EXOC4: variants seen among roughly 807,000 people sequenced by gnomAD.
The protein encoded by EXOC4 is SEC8-like 1.
Under a neutral mutation model 107.2 loss-of-function variants are expected in EXOC4, and 71 were observed. That is an observed-to-expected ratio of 0.66 (90% CI 0.55 to 0.81). EXOC4 has a LOEUF of 0.81. Among genes scored for constraint, EXOC4 ranks in the 30% least tolerant of loss-of-function variants. EXOC4 has a pLI of 0.00. For missense variants in EXOC4, 1,108 were observed against 1,189.6 expected, an observed-to-expected ratio of 0.93 and a Z score of 1.01; for synonymous variants, 456 against 441.2, an observed-to-expected ratio of 1.03 and a Z score of -0.42.
At chr7:133,671,637 T>C (rs1793948683) in intron 10 of EXOC4, among the ~76,000 whole-genome samples, 1 of 152,072 alleles carries the variant, frequency 6.6e-6, no homozygotes, top group African/African-American at 2.4e-5. Flanking sequence ...AGGGGAGTAA[T>C]AGTAGTGGCA....
intron 14 of EXOC4, among the ~76,000 whole-genome samples, chr7:133,939,077 G>T: frequency 6.6e-6 from 1 of 152,178 alleles, no homozygotes; most frequent in East Asian, 1.9e-4. Flanking sequence ...TGTGTGAATG[G>T]AGAGATAGAA....
chr7:133,706,299 T>C (rs1794767476), intron 10 of EXOC4, among the ~76,000 whole-genome samples: 1 of 152,236 alleles, frequency 6.6e-6, no homozygotes, highest in African/African-American at 2.4e-5. Flanking sequence ...AGCATACTAC[T>C]ATGATTTTAC....
chr7:133,517,871 A>G (rs1395337933), intron 9 of EXOC4, among the ~76,000 whole-genome samples: 2 of 152,300 alleles, frequency 1.3e-5, no homozygotes, highest in East Asian at 1.9e-4. Context: ...GCATATGCAT[A>G]TATCAGTTAG....
chr7:133,571,210 C>T (rs1038442242), intron 9 of EXOC4, among the ~76,000 whole-genome samples: 20 of 152,138 alleles, frequency 1.3e-4, no homozygotes, highest in Non-Finnish European at 2.8e-4. Context: ...AACTGTGTTG[C>T]AATAAGCCCC....
intron 11 of EXOC4, among the ~76,000 whole-genome samples, chr7:133,860,665 A>G (rs191682189): frequency 1.2e-3 from 176 of 152,292 alleles, no homozygotes; most frequent in African/African-American, 4.0e-3. Flanking sequence ...AACACACACA[A>G]AACTGCTTAA....
chr7:133,830,023 G>T (rs1055589040), intron 11 of EXOC4, among the ~76,000 whole-genome samples: 2 of 151,888 alleles, frequency 1.3e-5, no homozygotes, highest in Admixed American at 6.6e-5. Flanking sequence ...TCCCCTGATG[G>T]ATGGTCATAT....
At chr7:133,758,254 C>G (rs1314061319) in intron 10 of EXOC4, among the ~76,000 whole-genome samples, 2 of 152,136 alleles carry the variant, frequency 1.3e-5, no homozygotes, top group Non-Finnish European at 2.9e-5. Flanking sequence ...AAGCGATTCT[C>G]CTGCCTCAGC....
At chr7:133,876,713 G>A (rs912672929) in intron 11 of EXOC4, among the ~76,000 whole-genome samples, 1 of 152,044 alleles carries the variant, frequency 6.6e-6, no homozygotes, top group Admixed American at 6.6e-5. Flanking sequence ...ATTTTCCCAG[G>A]GAGGGGGCAC....
At chr7:133,715,480 C>CT (rs201216157) in intron 10 of EXOC4, among the ~76,000 whole-genome samples, 3,608 of 143,268 alleles carry the variant, frequency 0.025, 103 homozygotes, top group African/African-American at 0.072. Flanking sequence ...TTTCTAATGA[C>CT]TTTTTTTTTT....
At chr7:133,852,802 A>AT (rs1048981392) in intron 11 of EXOC4, among the ~76,000 whole-genome samples, 1 of 152,154 alleles carries the variant, frequency 6.6e-6, no homozygotes, top group Non-Finnish European at 1.5e-5. Context: ...GATAAAAAAC[A>AT]TTTTTTTCTA....
At chr7:133,550,828 G>T (rs1256782194) in intron 9 of EXOC4, among the ~76,000 whole-genome samples, 1 of 151,962 alleles carries the variant, frequency 6.6e-6, no homozygotes, top group Non-Finnish European at 1.5e-5. Flanking sequence ...TTTAAGTGCT[G>T]CTGCAAAGGT....
At chr7:133,255,330 C>T (rs534609325) in intron 1 of EXOC4, among the ~76,000 whole-genome samples, 1 of 152,110 alleles carries the variant, frequency 6.6e-6, no homozygotes, top group Non-Finnish European at 1.5e-5. Context: ...GCGTGCGCCA[C>T]CACACCCACC....
At chr7:133,335,390 C>G (rs1398614270) in intron 5 of EXOC4, among the ~76,000 whole-genome samples, 2 of 152,126 alleles carry the variant, frequency 1.3e-5, no homozygotes, top group African/African-American at 4.8e-5. Flanking sequence ...TGGCGGCCCC[C>G]ATTCTACTTT....
At chr7:133,694,900 G>T (rs1335899705) in intron 10 of EXOC4, among the ~76,000 whole-genome samples, 2 of 151,964 alleles carry the variant, frequency 1.3e-5, no homozygotes, top group Non-Finnish European at 2.9e-5. Flanking sequence ...TCAGCTCACC[G>T]CAACCTCTGC....
chr7:133,322,406 GA>G (rs1333988002), intron 5 of EXOC4, among the ~76,000 whole-genome samples: 1 of 152,166 alleles, frequency 6.6e-6, no homozygotes, highest in East Asian at 1.9e-4. Flanking sequence ...AAGGTGTAAG[GA>G]AAGGGTCCAG....
At chr7:133,668,998 CT>C (rs1472281517) in intron 10 of EXOC4, among the ~76,000 whole-genome samples, 1 of 121,232 alleles carries the variant, frequency 8.2e-6, no homozygotes, top group African/African-American at 2.9e-5. Flanking sequence ...TAGAATTGTT[CT>C]CCCAATTTTT....
chr7:133,937,821 A>G, intron 13 of EXOC4, 70 bp from the exon 14 acceptor site: 1 of 1,496,028 alleles, frequency 6.7e-7, no homozygotes, highest in East Asian at 2.3e-5. Flanking sequence ...AGGTGTGCCT[A>G]AAACAGTGTT....
chr7:133,518,249 G>A (rs1473637671), intron 9 of EXOC4, among the ~76,000 whole-genome samples: 1 of 151,916 alleles, frequency 6.6e-6, no homozygotes, highest in African/African-American at 2.4e-5. Flanking sequence ...AAGTCCAAAA[G>A]CGGTGTGCAC....
rs188145481 is a variant in EXOC4, at chr7:133,494,090, A to C, written c.1417+13952A>C. On this transcript the variant is annotated intron_variant, in intron 9 of 17. Transcript: ENST00000253861. ...ATTGTTTTGCCTTCCTCTTGCCTCC[A>C]GTTTGACATCACTTTCTTGCTGCTT... is the stretch of plus-strand genomic sequence containing the variant. Among the ~76,000 whole-genome samples, 5 of 152,334 alleles carry C rather than the reference A, an allele frequency of 3.3e-5. No homozygotes were observed. The East Asian group carries it at 9.6e-4, about 29-fold the overall frequency.
Sources: gnomAD v4.1 joint callset for allele counts (sites outside exome capture counted in the v4.1 genomes callset) on GRCh38, gnomAD v4.1.1 for gene constraint, MANE v1.5 for transcripts, NCBI Gene and HGNC (gene_info 2026-07-23, HGNC 2026-07-21) for gene names.